CACNA1D: variants seen among roughly 807,000 people sequenced by gnomAD.
CACNA1D encodes calcium voltage-gated channel subunit alpha1 D, also known as voltage-dependent L-type calcium channel subunit alpha-1D.
A neutral mutation model predicts 257.1 loss-of-function variants in CACNA1D; 55 were observed. The ratio of observed to expected loss-of-function variants is 0.21; its 90% confidence interval spans 0.17 to 0.27. The LOEUF is 0.27. Ranked by LOEUF, CACNA1D falls within the 10% of genes least tolerant of loss-of-function variation. CACNA1D has a pLI of 1.00. For synonymous variants in CACNA1D, 980 were observed against 1,014.9 expected (o/e 0.97, Z 0.65); for missense variants, 1,876 against 2,784.0 (o/e 0.67, Z 7.34).
chr3:53,728,155 G>A (rs149598135), intron 15 of CACNA1D, among the ~76,000 whole-genome samples: 43 of 152,082 alleles, frequency 2.8e-4, no homozygotes, highest in African/African-American at 9.9e-4. Context: ...TTATTTTATA[G>A]AAGGAGTCTC....
chr3:53,613,201 T>G (rs1161119789), intron 3 of CACNA1D, among the ~76,000 whole-genome samples: 1 of 152,278 alleles, frequency 6.6e-6, no homozygotes, highest in Non-Finnish European at 1.5e-5. Context: ...ATTTATCAAG[T>G]GCCAGGACAG....
chr3:53,669,391 T>A (rs1189757603), intron 7 of CACNA1D, among the ~76,000 whole-genome samples: 1 of 152,222 alleles, frequency 6.6e-6, no homozygotes, highest in Non-Finnish European at 1.5e-5. Context: ...ATGTGCCATG[T>A]TTGAATATCT....
chr3:53,684,875 G>GATA lies in CACNA1D; in HGVS notation c.1220+11752_1220+11754dup, dbSNP rs1284475494. On this transcript the variant is annotated intron_variant, in intron 8 of 47. Transcript: ENST00000350061. ...AGACTGAGAACTTAAGGATGCATAT[G>GATA]ATAATCTCCAGAGTAATGACTTAAA... is the stretch of plus-strand genomic sequence containing the variant. Among the ~76,000 whole-genome samples, 6 of 152,146 alleles carry GATA rather than the reference G, an allele frequency of 3.9e-5. No individual in the cohort carries two copies. In the East Asian group the frequency reaches 1.2e-3, roughly 29 times the overall value.
Position 53,784,505 on chromosome 3 carries a change from C to T in CACNA1D, c.4793-2317C>T, listed in dbSNP as rs180718660. ...TAGCACAGTGTCTCAATGGAGAAGA[C>T]GAAGTGACCCTTGAGTTCTCTCCTG... is the stretch of plus-strand genomic sequence containing the variant. On this transcript the variant is annotated intron_variant, in intron 39 of 47. Transcript: ENST00000350061. Among the ~76,000 whole-genome samples, 32 of 152,264 alleles carry T rather than the reference C, an allele frequency of 2.1e-4. 1 individual carries two copies. The highest frequency in any genetic ancestry group is 3.4e-3 in the Middle Eastern group (1 of 294).
chr3:53,795,664 T>C (rs966297090), intron 40 of CACNA1D, among the ~76,000 whole-genome samples: 1 of 152,218 alleles, frequency 6.6e-6, no homozygotes, highest in African/African-American at 2.4e-5. Flanking sequence ...GCCTAAACTT[T>C]ACAGAATGCT....
At chr3:53,718,601 C>CCCCCCCCAAAA in intron 10 of CACNA1D, 2 of 1,103,192 alleles carry the variant, frequency 1.8e-6, no homozygotes, top group Non-Finnish European at 2.7e-6. Context: ...CCCCCCGGCC[C>CCCCCCCCAAAA]AGCATTTCAC....
At chr3:53,537,959 C>T (rs886335690) in intron 3 of CACNA1D, among the ~76,000 whole-genome samples, 1 of 151,978 alleles carries the variant, frequency 6.6e-6, no homozygotes, top group Non-Finnish European at 1.5e-5. Context: ...TGAGTCCTTC[C>T]AAGAGGAGGC....
intron 7 of CACNA1D, among the ~76,000 whole-genome samples, chr3:53,672,630 C>G (rs531165855): frequency 2.6e-5 from 4 of 152,250 alleles, no homozygotes; most frequent in African/African-American, 9.6e-5. Context: ...GGAGTTTTGT[C>G]CTCTACCAAG....
intron 7 of CACNA1D, 44 bp downstream of exon 7, chr3:53,666,579 G>T (rs768843429): frequency 1.3e-6 from 2 of 1,542,878 alleles, no homozygotes; most frequent in Non-Finnish European, 1.8e-6. Context: ...TCTTTGCTTG[G>T]ATAAGTGGGT....
chr3:53,498,697 C>A (rs371374881), intron 2 of CACNA1D, among the ~76,000 whole-genome samples: 1 of 152,140 alleles, frequency 6.6e-6, no homozygotes, highest in African/African-American at 2.4e-5. Context: ...GGATCTAGCT[C>A]GGCAGCTATT....
chr3:53,563,218 A>G (rs911637524), intron 3 of CACNA1D, among the ~76,000 whole-genome samples: 9 of 152,012 alleles, frequency 5.9e-5, no homozygotes, highest in African/African-American at 1.9e-4. Flanking sequence ...AGGGATGACC[A>G]CTGTCTAAAA....
intron 3 of CACNA1D, among the ~76,000 whole-genome samples, chr3:53,502,800 A>G (rs1161855274): frequency 6.6e-6 from 1 of 152,108 alleles, no homozygotes; most frequent in Non-Finnish European, 1.5e-5. Flanking sequence ...CCTTCTTGCA[A>G]GGATTGGTTC....
intron 3 of CACNA1D, among the ~76,000 whole-genome samples, chr3:53,578,038 T>G (rs780640272): frequency 2.0e-5 from 3 of 152,152 alleles, no homozygotes; most frequent in Non-Finnish European, 1.5e-5. Flanking sequence ...GTATGGAGCC[T>G]CTGCTGCATA....
At chr3:53,682,419 A>G (rs1197494981) in intron 8 of CACNA1D, among the ~76,000 whole-genome samples, 1 of 143,232 alleles carries the variant, frequency 7.0e-6, no homozygotes, top group South Asian at 2.2e-4. Context: ...TAGCTGGGCA[A>G]TGTGGTGTGT....
In CACNA1D at chr3:53,805,105, G is replaced by A. The variant is rs373251538; in HGVS notation, c.5708G>A (p.Arg1903Gln). 3.2e-5 allele frequency: 51 copies of A among 1,613,904 alleles called. 1 individual carries two copies. The highest frequency in any genetic ancestry group is 1.6e-4 in the South Asian group (15 of 91,070). ...GACTCGCCCGTTTGCTATGATTCAC[G>A]GAGATCTCCAAGGAGACGCCTACTA... is the stretch of plus-strand genomic sequence containing the variant. Reference protein sequence around the residue: ...DDDSPVCYDSRRSPRRRLLPP... With the variant: ...DDDSPVCYDSQRSPRRRLLPP... The change falls in exon 45 of 48, where the codon CGG (arginine) becomes CAG (glutamine). Residue 1903 changes from arginine (R) to glutamine (Q), a missense_variant. This residue lies in a region of CACNA1D where 491 missense variants were observed against 554.3 expected (regional missense o/e 0.89). Transcript: ENST00000350061.
intron 3 of CACNA1D, among the ~76,000 whole-genome samples, chr3:53,595,585 C>T (rs1210097800): frequency 6.6e-6 from 1 of 152,164 alleles, no homozygotes; most frequent in African/African-American, 2.4e-5. Flanking sequence ...TGACCCAACT[C>T]ACCAGAGTCT....
intron 3 of CACNA1D, among the ~76,000 whole-genome samples, chr3:53,566,652 C>T (rs1249006750): frequency 5.3e-5 from 8 of 152,150 alleles, no homozygotes; most frequent in East Asian, 1.9e-4. Context: ...ACATGGGAGC[C>T]GCTTGAGAGC....
intron 9 of CACNA1D, among the ~76,000 whole-genome samples, chr3:53,703,343 C>T (rs3774530): frequency 0.62 from 93,826 of 152,048 alleles, 29,165 homozygotes; most frequent in South Asian, 0.69. Flanking sequence ...TTAAGGGGCA[C>T]GTGAGTCAGT....
chr3:53,626,423 C>A (rs1219872475), intron 3 of CACNA1D, among the ~76,000 whole-genome samples: 1 of 152,124 alleles, frequency 6.6e-6, no homozygotes, highest in Non-Finnish European at 1.5e-5. Context: ...ATAACAGGTG[C>A]CGTGTGCATT....
Sources: gnomAD v4.1 joint callset for allele counts (sites outside exome capture counted in the v4.1 genomes callset) on GRCh38, gnomAD v4.1.1 for gene constraint, gnomAD v4.1.1 regional missense constraint, MANE v1.5 for transcripts, NCBI Gene and HGNC (gene_info 2026-07-23, HGNC 2026-07-21) for gene names.